The following THSD4 variants were observed in gnomAD, a reference collection of about 807,000 sequenced individuals.
The protein encoded by THSD4 is thrombospondin type-1 domain-containing protein 4.
THSD4 carries 69 observed loss-of-function variants against 119.0 expected under a neutral mutation model. That is an observed-to-expected ratio of 0.58 (90% CI 0.48 to 0.71). The LOEUF is 0.71. Ranked by LOEUF, THSD4 falls within the 30% of genes least tolerant of loss-of-function variation. The probability of loss-of-function intolerance (pLI) is 0.00; values close to 1 mark genes in which losing one functional copy is unlikely to be tolerated. For synonymous variants in THSD4, 524 were observed against 540.4 expected (o/e 0.97, Z 0.42); for missense variants, 1,393 against 1,391.1 (o/e 1.00, Z -0.02).
chr15:71,385,395 A>T (rs1413605744), intron 6 of THSD4, among the ~76,000 whole-genome samples: 1 of 152,216 alleles, frequency 6.6e-6, no homozygotes, highest in Non-Finnish European at 1.5e-5. Context: ...GAAAAACCTT[A>T]GACAAATAAG....
chr15:71,728,822 C>A, intron 9 of THSD4, 98 bp downstream of exon 9: 3 of 1,493,410 alleles, frequency 2.0e-6, no homozygotes, highest in African/African-American at 2.7e-5. Context: ...ATTGCCCATA[C>A]TCAATAAAAA....
At position 71,252,318 on chromosome 15, in the gene THSD4, G is replaced by T. The variant is rs375921545; in HGVS notation, c.913-4295G>T. On this transcript the variant is annotated intron_variant, in intron 5 of 17. Coordinates refer to ENST00000261862, the MANE Select transcript of THSD4 (RefSeq NM_024817.3). ...TTAAAACCTAAGAAAGGGGTAAAAG[G>T]ATCTGTAACCTGGAAGTTTTCACTT... Among the ~76,000 whole-genome samples the T allele has an allele frequency of 3.9e-5, 6 of 152,210 alleles. No individual in the cohort carries two copies. In the South Asian group the frequency reaches 6.2e-4, roughly 16 times the overall value.
At position 71,261,999 on chromosome 15, in the gene THSD4, G is replaced by A. The variant is rs999348701; in HGVS notation, c.1015+5284G>A. ...TTAAATGGCTCCCAGGCTGACCGGC[G>A]GGAGGAAGACACTGCTAATGCTTCT... On this transcript the variant is annotated intron_variant, in intron 6 of 17. Transcript: ENST00000261862. Among the ~76,000 whole-genome samples the A allele has an allele frequency of 5.9e-5, 9 of 152,094 alleles. No individual in the cohort carries two copies. In the East Asian group the frequency reaches 7.7e-4, roughly 13 times the overall value.
At chr15:71,609,807 A>T (rs11072308) in intron 7 of THSD4, among the ~76,000 whole-genome samples, 1 of 148,236 alleles carries the variant, frequency 6.7e-6, no homozygotes, top group African/African-American at 2.5e-5. Flanking sequence ...AGCGGAGATC[A>T]TGCCACTGCA....
In THSD4 at chr15:71,780,646, G is replaced by A. The variant is rs1364906475; in HGVS notation, c.*3272G>A. The stretch of plus-strand genomic sequence containing the variant: ...GCAAGCTGTTGGGGACCCCAGGGAG[G>A]GCAAGGCAGCCTGTCCCCGCCCCCA... On this transcript the variant is annotated 3_prime_UTR_variant, in exon 18 of 18. Coordinates refer to ENST00000261862, the MANE Select transcript of THSD4 (RefSeq NM_024817.3). 4.4e-6 allele frequency: 2 copies of A among 456,568 alleles called. No individual in the cohort carries two copies. Among genetic ancestry groups the A allele is most frequent in the Non-Finnish European group, 8.8e-6 (2 of 226,952 alleles). 28.3% of individuals were successfully genotyped at this position (456,568 alleles called of 1,614,324 possible). A position where few individuals can be genotyped will look rare whatever the true frequency, so the allele number is the denominator to read the frequency against.
intron 3 of THSD4, among the ~76,000 whole-genome samples, chr15:71,214,694 G>A (rs2043915680): frequency 6.6e-6 from 1 of 152,322 alleles, no homozygotes; most frequent in African/African-American, 2.4e-5. Context: ...CACAAGGCAT[G>A]TCTTCCTTGC....
intron 6 of THSD4, among the ~76,000 whole-genome samples, chr15:71,338,356 T>G (rs148383237): frequency 6.6e-6 from 1 of 150,434 alleles, no homozygotes; most frequent in African/African-American, 2.4e-5. Flanking sequence ...TCATGTAGCA[T>G]GATAAACACT....
chr15:71,169,829 A>G (rs774129902), intron 3 of THSD4, among the ~76,000 whole-genome samples: 1 of 152,200 alleles, frequency 6.6e-6, no homozygotes, highest in African/African-American at 2.4e-5. Context: ...AGGGAGGGGT[A>G]TGCTAGGCAG....
chr15:71,424,451 A>T (rs149401738), intron 7 of THSD4, among the ~76,000 whole-genome samples: 3 of 152,092 alleles, frequency 2.0e-5, no homozygotes. Flanking sequence ...TAATTACTGC[A>T]TATTGAAAGG....
intron 14 of THSD4, among the ~76,000 whole-genome samples, chr15:71,755,758 C>CAA (rs2053528392): frequency 1.3e-5 from 1 of 79,240 alleles, no homozygotes; most frequent in Non-Finnish European, 2.9e-5. Context: ...AACCATAATA[C>CAA]AAAGGCAGGA....
chr15:71,742,773 G>C (rs1430180600), intron 11 of THSD4, among the ~76,000 whole-genome samples: 1 of 152,160 alleles, frequency 6.6e-6, no homozygotes, highest in Non-Finnish European at 1.5e-5. Flanking sequence ...TGTAGATATG[G>C]GTCAGGCGCC....
intron 7 of THSD4, among the ~76,000 whole-genome samples, chr15:71,587,787 T>TAAAAAA (rs1207231444): frequency 9.5e-6 from 1 of 105,578 alleles, no homozygotes; most frequent in Non-Finnish European, 1.9e-5. Context: ...AAAAAAAAAT[T>TAAAAAA]AAAAAAAAAA....
intron 15 of THSD4, among the ~76,000 whole-genome samples, chr15:71,761,396 A>T (rs1349036666): frequency 6.6e-6 from 1 of 152,164 alleles, no homozygotes; most frequent in African/African-American, 2.4e-5. Context: ...ATCTCCAAAA[A>T]GATGTTGATA....
At chr15:71,728,837 T>G in intron 9 of THSD4, 113 bp downstream of exon 9, 1 of 1,404,174 alleles carries the variant, frequency 7.1e-7, no homozygotes, top group Non-Finnish European at 9.9e-7. Context: ...TAAAAACCCT[T>G]TGAGCAGAGC....
In THSD4 at chr15:71,560,941, G is replaced by A. The variant is rs546736140; in HGVS notation, c.1153-99589G>A. 4.7e-5 allele frequency among the ~76,000 whole-genome samples: 7 copies of A among 149,096 alleles called. No homozygotes were observed. The East Asian group carries it at 1.4e-3, about 30-fold the overall frequency. ...TGGTTCTTGCTTAGGCAGGCTACAA[G>A]TAAGTTCACTAAGCATCATTCTCTT... On this transcript the variant is annotated intron_variant, in intron 7 of 17. Transcript: ENST00000261862.
intron 6 of THSD4, among the ~76,000 whole-genome samples, chr15:71,409,297 T>G (rs2046651509): frequency 6.6e-6 from 1 of 152,178 alleles, no homozygotes; most frequent in Non-Finnish European, 1.5e-5. Flanking sequence ...CTTGCCCAGA[T>G]GAGGCTGCCT....
At chr15:71,758,188 C>A in intron 15 of THSD4, 113 bp downstream of exon 15, 2 of 1,277,322 alleles carry the variant, frequency 1.6e-6, no homozygotes, top group Non-Finnish European at 2.1e-6. Context: ...CCCAGCAGTG[C>A]CACTGTCTAT....
At chr15:71,592,953 T>C (rs1225346992) in intron 7 of THSD4, among the ~76,000 whole-genome samples, 1 of 152,100 alleles carries the variant, frequency 6.6e-6, no homozygotes, top group Non-Finnish European at 1.5e-5. Flanking sequence ...AGTTGGAATG[T>C]TGGAGAGATT....
chr15:71,711,222 G>T (rs1481279726), intron 8 of THSD4, among the ~76,000 whole-genome samples: 7 of 151,310 alleles, frequency 4.6e-5, no homozygotes, highest in South Asian at 4.2e-4. Context: ...GATTTTTTTT[G>T]AAAATAGGCT....
Sources: allele counts gnomAD v4.1 joint callset (sites outside exome capture counted in the v4.1 genomes callset), GRCh38; gene constraint gnomAD v4.1.1; transcripts MANE v1.5; gene names NCBI Gene and HGNC (gene_info 2026-07-23, HGNC 2026-07-21).